The following MYRIP variants were observed in gnomAD, a reference collection of about 807,000 sequenced individuals.
MYRIP encodes the protein myosin VIIA and Rab interacting protein, also known as rab effector MyRIP.
A neutral mutation model predicts 98.0 loss-of-function variants in MYRIP; 49 were observed. That is an observed-to-expected ratio of 0.50 (90% CI 0.40 to 0.63). MYRIP has a LOEUF of 0.63. Among genes scored for constraint, MYRIP ranks in the 30% least tolerant of loss-of-function variants. MYRIP has a pLI of 0.00. For synonymous variants in MYRIP, 404 were observed against 409.5 expected (o/e 0.99, Z 0.16); for missense variants, 1,004 against 1,058.2 (o/e 0.95, Z 0.71).
At chr3:39,968,387 T>C (rs1945494133) in intron 2 of MYRIP, among the ~76,000 whole-genome samples, 1 of 152,114 alleles carries the variant, frequency 6.6e-6, no homozygotes, top group African/African-American at 2.4e-5. Flanking sequence ...GGTCTCAAAC[T>C]CCTGACCTCA....
chr3:40,069,813 A>G (rs1948189320), intron 3 of MYRIP, among the ~76,000 whole-genome samples: 1 of 152,188 alleles, frequency 6.6e-6, no homozygotes, highest in Non-Finnish European at 1.5e-5. Context: ...TCCCATATGC[A>G]GTTCACAACC....
At chr3:40,174,969 C>A (rs1950715994) in intron 8 of MYRIP, among the ~76,000 whole-genome samples, 1 of 151,962 alleles carries the variant, frequency 6.6e-6, no homozygotes. Context: ...TGGTGAAACC[C>A]CATCTCTATT....
chr3:40,074,991 G>A (rs149051739), intron 3 of MYRIP, among the ~76,000 whole-genome samples: 4 of 152,126 alleles, frequency 2.6e-5, no homozygotes, highest in South Asian at 2.1e-4. Context: ...TACTAAAATA[G>A]AAAAAGGACA....
intron 1 of MYRIP, among the ~76,000 whole-genome samples, chr3:39,813,554 T>A (rs973274442): frequency 1.5e-4 from 22 of 148,528 alleles, no homozygotes; most frequent in Middle Eastern, 3.4e-3. Flanking sequence ...ACACTCTAAG[T>A]TTACACACTA....
At chr3:40,086,172 CAAAA>C (rs1559394801) in intron 3 of MYRIP, among the ~76,000 whole-genome samples, 1 of 152,134 alleles carries the variant, frequency 6.6e-6, no homozygotes, top group African/African-American at 2.4e-5. Flanking sequence ...AAAGAATTTT[CAAAA>C]TCTAGGAAAA....
intron 10 of MYRIP, among the ~76,000 whole-genome samples, chr3:40,200,820 G>A (rs1411435173): frequency 6.6e-6 from 1 of 152,190 alleles, no homozygotes. Context: ...GTGATTGCCA[G>A]GAAATCCTCC....
chr3:39,834,723 T>G (rs1941568988), intron 1 of MYRIP, among the ~76,000 whole-genome samples: 1 of 152,156 alleles, frequency 6.6e-6, no homozygotes, highest in Non-Finnish European at 1.5e-5. Context: ...TATTGGTAGC[T>G]GTGAAAATTT....
At chr3:40,084,283 TTATA>T (rs1948553494) in intron 3 of MYRIP, among the ~76,000 whole-genome samples, 4 of 120,780 alleles carry the variant, frequency 3.3e-5, no homozygotes, top group African/African-American at 6.0e-5. Context: ...CATCTATGTA[TTATA>T]TATCGATATA....
chr3:39,809,999 G>C (rs969659653), intron 1 of MYRIP, 83 bp downstream of exon 1: 3 of 152,348 alleles, frequency 2.0e-5, no homozygotes, highest in Non-Finnish European at 4.4e-5. Context: ...TTCGGGGGTG[G>C]GTGTGTGAAG....
intron 2 of MYRIP, among the ~76,000 whole-genome samples, chr3:39,998,407 A>G (rs894517264): frequency 6.6e-6 from 1 of 152,256 alleles, no homozygotes; most frequent in Non-Finnish European, 1.5e-5. Context: ...CAGCCAAATC[A>G]TGAGTGAACT....
intron 2 of MYRIP, among the ~76,000 whole-genome samples, chr3:39,970,624 C>T (rs1393960134): frequency 6.6e-6 from 1 of 152,112 alleles, no homozygotes; most frequent in East Asian, 1.9e-4. Flanking sequence ...CTCCAACCTA[C>T]CTCATGGTGG....
At chr3:40,080,791 C>CTTTTTTTTTTTTTTTTTTTTT (rs34610302) in intron 3 of MYRIP, among the ~76,000 whole-genome samples, 70 of 93,858 alleles carry the variant, frequency 7.5e-4, no homozygotes, top group African/African-American at 1.2e-3. Flanking sequence ...ATCCTAACTT[C>CTTTTTTTTTTTTTTTTTTTTT]TTTTTTTTTT....
intron 1 of MYRIP, among the ~76,000 whole-genome samples, chr3:39,820,480 G>T (rs551435230): frequency 1.3e-5 from 2 of 152,228 alleles, no homozygotes; most frequent in Non-Finnish European, 1.5e-5. Flanking sequence ...TCTGTCTCCA[G>T]CATCATTTCA....
chr3:39,891,553 G>A (rs191741119), intron 1 of MYRIP, among the ~76,000 whole-genome samples: 142 of 152,156 alleles, frequency 9.3e-4, no homozygotes, highest in African/African-American at 3.3e-3. Flanking sequence ...ACACTCATGT[G>A]CTTTGTTTTT....
chr3:40,117,968 A>C (rs1380783097), intron 3 of MYRIP, among the ~76,000 whole-genome samples: 6 of 152,204 alleles, frequency 3.9e-5, no homozygotes. Context: ...AATTATTTGT[A>C]ATTTAAATTG....
At chr3:40,172,315 A>G (rs924619997) in intron 8 of MYRIP, among the ~76,000 whole-genome samples, 2 of 152,202 alleles carry the variant, frequency 1.3e-5, no homozygotes, top group African/African-American at 4.8e-5. Flanking sequence ...GGGAGCTGTC[A>G]GGGAAAACCA....
At chr3:40,108,174 TGAGAGAGAGA>T (rs72224557) in intron 3 of MYRIP, among the ~76,000 whole-genome samples, 133 of 138,280 alleles carry the variant, frequency 9.6e-4, no homozygotes, top group Middle Eastern at 7.5e-3. Context: ...GCAGTGTTTG[TGAGAGAGAGA>T]GAGAGAGAGA....
chr3:39,977,980 C>A (rs1945797275), intron 2 of MYRIP, among the ~76,000 whole-genome samples: 1 of 150,788 alleles, frequency 6.6e-6, no homozygotes. Flanking sequence ...AATGTCATCA[C>A]ATATCCATAC....
At chr3:40,080,380 C>T (rs1188765320) in intron 3 of MYRIP, among the ~76,000 whole-genome samples, 5 of 152,098 alleles carry the variant, frequency 3.3e-5, no homozygotes, top group East Asian at 1.9e-4. Flanking sequence ...AAATCTGTTG[C>T]TCTTCTTGGT....
Sources: allele counts gnomAD v4.1 joint callset (sites outside exome capture counted in the v4.1 genomes callset), GRCh38; gene constraint gnomAD v4.1.1; transcripts MANE v1.5; gene names NCBI Gene and HGNC (gene_info 2026-07-23, HGNC 2026-07-21).